The following RNASEH1 variants were observed in gnomAD, a reference collection of about 807,000 sequenced individuals.
RNASEH1 encodes ribonuclease H type II.
In RNASEH1, 27 loss-of-function variants were observed where a neutral mutation model predicts 34.6. The ratio of observed to expected loss-of-function variants is 0.78; its 90% CI spans 0.58 to 1.08. The LOEUF (loss-of-function observed/expected upper bound fraction) is 1.08, where lower values mean the gene tolerates loss of function less well. Ranked by LOEUF, RNASEH1 falls within the 50% of genes least tolerant of loss-of-function variation. The pLI is 0.00. For synonymous variants in RNASEH1, 162 were observed against 138.4 expected (o/e 1.17, Z -1.20); for missense variants, 349 against 373.6 (o/e 0.93, Z 0.54).
chr2:3,534,234 A>T, the RNASEH1 span: 4 of 152,228 alleles, frequency 2.6e-5, no homozygotes, highest in Non-Finnish European at 5.9e-5. Flanking sequence ...ATTCTTCTGG[A>T]TGTGGGACAA....
intron 3 of RNASEH1, 150 bp downstream of exon 3, chr2:3,551,994 T>C (rs1659966671): frequency 3.2e-6 from 2 of 618,356 alleles, no homozygotes; most frequent in East Asian, 2.9e-5. Context: ...TTATAAATAA[T>C]GGCCTTAGTG....
Position 3,541,576 on chromosome 2 carries a change from C to T in RNASEH1, c.*4209G>A, listed in dbSNP as rs1366298914. On this transcript the variant is annotated 3_prime_UTR_variant, in exon 8 of 8. Transcript: ENST00000315212. ...TTGATGTACACAAAATGGGTGAATGCCAAAATAATTATGCTGAGTAGAAGC... is the reference window on the plus strand; with the variant it reads ...TTGATGTACACAAAATGGGTGAATGTCAAAATAATTATGCTGAGTAGAAGC... Among the ~76,000 whole-genome samples, 2 of 152,114 alleles carry T rather than the reference C, an allele frequency of 1.3e-5. No homozygotes were observed. Among genetic ancestry groups the T allele is most frequent in the Admixed American group, 6.5e-5 (1 of 15,270 alleles).
downstream of RNASEH1, among the ~76,000 whole-genome samples, chr2:3,539,457 A>G (rs1207528233): frequency 2.0e-5 from 3 of 152,204 alleles, no homozygotes; most frequent in Non-Finnish European, 4.4e-5. Flanking sequence ...TGTCAACACA[A>G]TATCAGAGTC....
In RNASEH1 at chr2:3,548,003, T is replaced by C. The variant is rs143510329; in HGVS notation, c.702A>G (p.Ala234=). ...CCTCTTTGTTGATCACCTCTTTCCC[T>C]GCACTTGTCTTCCACCCATTTTTCT... ...GWKKNGWKTS[A]GKEVINKEDF... Residue 234 remains alanine, a synonymous_variant, in exon 7 of 8, where the codon GCA becomes GCG. Transcript: ENST00000315212. 13,975 of 1,613,838 alleles carry C rather than the reference T, an allele frequency of 8.7e-3. 88 individuals carry two copies. The highest frequency in any genetic ancestry group is 0.01 in the Non-Finnish European group (12,373 of 1,179,706).
chr2:3,542,869 T>C lies in RNASEH1; in HGVS notation c.*2916A>G, dbSNP rs991268520. 6.6e-6 allele frequency among the ~76,000 whole-genome samples: 1 copy of C among 152,138 alleles called. No homozygotes were observed. The highest frequency in any genetic ancestry group is 6.6e-5 in the Admixed American group (1 of 15,258). ...TCAGAAAATATTCTTCCTTTAAATA[T>C]GTGTGTGCAATGTTTGTATTTTTTT... On this transcript the variant is annotated 3_prime_UTR_variant, in exon 8 of 8. Coordinates refer to ENST00000315212, the MANE Select transcript of RNASEH1 (RefSeq NM_002936.6).
intron 3 of RNASEH1, 43 bp downstream of exon 3, chr2:3,552,101 C>G (rs767266368): frequency 1.3e-6 from 2 of 1,547,808 alleles, no homozygotes; most frequent in South Asian, 2.3e-5. Context: ...ATAACATTTT[C>G]CTGACTGTGG....
In RNASEH1 at chr2:3,542,225, T is replaced by C. The variant is rs146554996; in HGVS notation, c.*3560A>G. Among the ~76,000 whole-genome samples, 912 of 152,176 alleles carry C rather than the reference T, an allele frequency of 6.0e-3. 8 individuals are homozygous for C. The highest frequency in any genetic ancestry group is 0.021 in the African/African-American group (854 of 41,502). Reference sequence around the variant, plus strand: ...TAAAATAACAGATATGAAGTACACATAGAAAGAGCACACCATACGCTTGCA... The same window carrying C: ...TAAAATAACAGATATGAAGTACACACAGAAAGAGCACACCATACGCTTGCA... On this transcript the variant is annotated 3_prime_UTR_variant, in exon 8 of 8. Transcript: ENST00000315212.
At position 3,545,557 on chromosome 2, in the gene RNASEH1, G is replaced by C; in HGVS notation, c.*228C>G. 3.6e-6 allele frequency: 2 copies of C among 554,318 alleles called. No individual in the cohort carries two copies. Among genetic ancestry groups the C allele is most frequent in the Non-Finnish European group, 6.4e-6 (2 of 310,126 alleles). 34.3% of individuals were successfully genotyped at this position (554,318 alleles called of 1,614,324 possible). On this transcript the variant is annotated 3_prime_UTR_variant, in exon 8 of 8. Coordinates refer to ENST00000315212, the MANE Select transcript of RNASEH1 (RefSeq NM_002936.6). The stretch of plus-strand genomic sequence containing the variant: ...CAGTATTGAACCCAGTAAACATAAT[G>C]TGGAAATCTCACATAATTCTCCAAT...
At chr2:3,550,324 CA>C (rs1476270155) in intron 4 of RNASEH1, 48 bp downstream of exon 4, 1 of 1,428,136 alleles carries the variant, frequency 7.0e-7, no homozygotes, top group Admixed American at 1.7e-5. Context: ...CTCATCTTTT[CA>C]CAAGTTGTGG....
chr2:3,557,616 G>A (rs1660642951), intron 1 of RNASEH1: 1 of 353,516 alleles, frequency 2.8e-6, no homozygotes. Context: ...TCAGTTACAT[G>A]CCCTGGGAAC....
rs537320989 is a variant in RNASEH1 at position 3,558,159 on chromosome 2, G to A, written c.102C>T (p.Gly34=). 1.4e-5 allele frequency: 23 copies of A among 1,602,448 alleles called. No homozygotes were observed. In the East Asian group the frequency reaches 3.0e-4, roughly 21 times the overall value. Reference sequence around the variant, plus strand: ...AGGTCAGAAAGACCCCGGTCTTGCGGCCCCTCCTCACGGCATAGAACATCC... The same window carrying A: ...AGGTCAGAAAGACCCCGGTCTTGCGACCCCTCCTCACGGCATAGAACATCC... ...GFGMFYAVRR[G]RKTGVFLTWN... Residue 34 remains glycine (G), a synonymous_variant, in exon 1 of 8, where the codon GGC becomes GGT. Coordinates refer to ENST00000315212, the MANE Select transcript of RNASEH1 (RefSeq NM_002936.6).
At chr2:3,539,452 A>G (rs563296616), downstream of RNASEH1, among the ~76,000 whole-genome samples, 10 of 152,304 alleles carry the variant, frequency 6.6e-5, no homozygotes, top group East Asian at 7.7e-4. Context: ...ACTTATGTCA[A>G]CACAATATCA....
At chr2:3,547,768 T>G (rs1001029686) in intron 7 of RNASEH1, among the ~76,000 whole-genome samples, 163 bp downstream of exon 7, 1 of 152,198 alleles carries the variant, frequency 6.6e-6, no homozygotes, top group Non-Finnish European at 1.5e-5. Flanking sequence ...ATTATAGGCG[T>G]GAGCCACTAC....
chr2:3,549,839 G>A (rs915853028), intron 4 of RNASEH1, among the ~76,000 whole-genome samples: 1 of 151,936 alleles, frequency 6.6e-6, no homozygotes, highest in African/African-American at 2.4e-5. Context: ...CCAGCTACTC[G>A]GGAGGGTGAG....
At chr2:3,540,889 A>G (rs897413935), downstream of RNASEH1, among the ~76,000 whole-genome samples, 4 of 152,132 alleles carry the variant, frequency 2.6e-5, no homozygotes, top group African/African-American at 7.2e-5. Context: ...CAGAACTACT[A>G]AACAGCAAAA....
At chr2:3,551,773 G>A (rs1429239649) in intron 3 of RNASEH1, among the ~76,000 whole-genome samples, 1 of 152,144 alleles carries the variant, frequency 6.6e-6, no homozygotes, top group Non-Finnish European at 1.5e-5. Flanking sequence ...TCCAAAGATT[G>A]AATATGAAAG....
chr2:3,546,297 A>C (rs1668741466), intron 7 of RNASEH1, among the ~76,000 whole-genome samples: 1 of 152,240 alleles, frequency 6.6e-6, no homozygotes, highest in African/African-American at 2.4e-5. Context: ...TTTACACATC[A>C]GGCTACCAAA....
chr2:3,536,249 C>T, the RNASEH1 span, among the ~76,000 whole-genome samples: 5 of 152,250 alleles, frequency 3.3e-5, no homozygotes, highest in African/African-American at 7.2e-5. Flanking sequence ...TGGTGAGTCA[C>T]ATGTCATACA....
In RNASEH1 at chr2:3,545,094, T is replaced by C. The variant is rs1668620927; in HGVS notation, c.*691A>G. ...CCAGCCGGTGTCTTACTTTTTTTTT[T>C]TTTTTTTTAATTTGCACAGTTTTTA... is the stretch of plus-strand genomic sequence containing the variant. On this transcript the variant is annotated 3_prime_UTR_variant, in exon 8 of 8. Coordinates refer to ENST00000315212, the MANE Select transcript of RNASEH1 (RefSeq NM_002936.6). 6.8e-6 allele frequency: 1 copy of C among 147,270 alleles called. No homozygotes were observed. The highest frequency in any genetic ancestry group is 2.1e-4 in the South Asian group (1 of 4,658). The allele number at this position is 147,270 out of a possible 1,614,324, so 9.1% of individuals were successfully genotyped here.
Sources: gnomAD v4.1 joint callset for allele counts (sites outside exome capture counted in the v4.1 genomes callset) on GRCh38, gnomAD v4.1.1 for gene constraint, MANE v1.5 for transcripts, NCBI Gene and HGNC (gene_info 2026-07-23, HGNC 2026-07-21) for gene names.